Variants in BRI3 observed in about 807,000 individuals in gnomAD.
The protein encoded by BRI3 is membrane protein BRI3.
A neutral mutation model predicts 12.8 loss-of-function variants in BRI3; 6 were observed. The observed-to-expected ratio is 0.47, with a 90% CI of 0.26 to 0.93. BRI3 has a LOEUF of 0.93. BRI3 is among the 40% of genes least tolerant of loss of function. BRI3 has a pLI of 0.15. For missense variants in BRI3, 134 were observed against 171.1 expected (o/e 0.78, Z 1.21); for synonymous variants, 91 against 76.1 (o/e 1.20, Z -1.02).
downstream of BRI3, among the ~76,000 whole-genome samples, chr7:98,313,982 CTTTTTTT>C (rs35599338): frequency 9.9e-6 from 1 of 100,940 alleles, no homozygotes; most frequent in African/African-American, 3.7e-5. Context: ...CTTTTTCTTC[CTTTTTTT>C]TTTTTTTTTT....
chr7:98,298,753 G>A (rs1800295175), intron 1 of BRI3, among the ~76,000 whole-genome samples: 1 of 152,210 alleles, frequency 6.6e-6, no homozygotes. Flanking sequence ...TATTAATCGA[G>A]GTGGACATAA....
chr7:98,305,047 G>GTTTTT (rs59633894), upstream of BRI3, among the ~76,000 whole-genome samples: 95 of 100,336 alleles, frequency 9.5e-4, 2 homozygotes, highest in East Asian at 2.1e-3. Flanking sequence ...TTTGTTTTTT[G>GTTTTT]TTTTTTTTTT....
At chr7:98,316,555 C>T in the BRI3 span, among the ~76,000 whole-genome samples, 2 of 152,306 alleles carry the variant, frequency 1.3e-5, no homozygotes, top group African/African-American at 4.8e-5. Flanking sequence ...ATTTATAGGG[C>T]ACATGTGATA....
At chr7:98,290,184 T>TG (rs1454875589) in intron 2 of BRI3, among the ~76,000 whole-genome samples, 2 of 28,876 alleles carry the variant, frequency 6.9e-5, no homozygotes, top group Admixed American at 4.1e-4. Flanking sequence ...CAAGGTTGTT[T>TG]TTTTTTTTTT....
intron 2 of BRI3, among the ~76,000 whole-genome samples, chr7:98,290,187 T>G (rs865864515): frequency 0.038 from 4,933 of 130,020 alleles, 133 homozygotes; most frequent in Non-Finnish European, 0.054. Context: ...GGTTGTTTTT[T>G]TTTTTTTTTT....
downstream of BRI3, chr7:98,292,402 G>A (rs986609223): frequency 1.7e-5 from 9 of 539,902 alleles, no homozygotes; most frequent in African/African-American, 1.3e-4. Flanking sequence ...AGAGACTCCT[G>A]ACCTCAGGTG....
chr7:98,320,983 A>G, the BRI3 span, among the ~76,000 whole-genome samples: 1 of 152,108 alleles, frequency 6.6e-6, no homozygotes, highest in Non-Finnish European at 1.5e-5. Flanking sequence ...CAGCCTCCCG[A>G]GTAGCTGGGA....
downstream of BRI3, chr7:98,292,664 A>G (rs1584404936): frequency 6.4e-7 from 1 of 1,551,648 alleles, no homozygotes; most frequent in Non-Finnish European, 8.7e-7. Flanking sequence ...CTGGCTTTAC[A>G]CGTATCCTTT....
chr7:98,290,181 G>T (rs6960998), intron 2 of BRI3, among the ~76,000 whole-genome samples: 5,399 of 103,010 alleles, frequency 0.052, 430 homozygotes, highest in African/African-American at 0.12. Context: ...TCTCAAGGTT[G>T]TTTTTTTTTT....
chr7:98,293,072 T>G (rs1800037422), downstream of BRI3: 57 of 664,748 alleles, frequency 8.6e-5, no homozygotes, highest in Non-Finnish European at 9.8e-5. Flanking sequence ...ATTTGCATGC[T>G]AAGATGCAAA....
downstream of BRI3, chr7:98,310,542 G>A (rs200900587): frequency 3.1e-5 from 49 of 1,594,936 alleles, no homozygotes; most frequent in African/African-American, 8.1e-5. Context: ...CTGAAGGAGC[G>A]GGGGGCATCT....
downstream of BRI3, among the ~76,000 whole-genome samples, chr7:98,294,323 G>A (rs1043893939): frequency 2.6e-5 from 4 of 152,128 alleles, no homozygotes; most frequent in Non-Finnish European, 5.9e-5. Context: ...AGACCCGAAG[G>A]TAAAGACATC....
In BRI3 at chr7:98,290,181, G is replaced by GTTTT. The variant is rs1180326213; in HGVS notation, c.246-908_246-905dup. On this transcript the variant is annotated intron_variant, in intron 2 of 2. Coordinates refer to ENST00000297290, the MANE Select transcript of BRI3 (RefSeq NM_015379.5). ...CAAAATGATCATGCCTCTCAAGGTTGTTTTTTTTTTTTTTTTTTTTTTTTT... is the reference window on the plus strand; with the variant it reads ...CAAAATGATCATGCCTCTCAAGGTTGTTTTTTTTTTTTTTTTTTTTTTTTTTTTT... Among the ~76,000 whole-genome samples, 285 of 102,512 alleles carry GTTTT rather than the reference G, an allele frequency of 2.8e-3. 1 individual carries two copies. Among genetic ancestry groups the GTTTT allele is most frequent in the South Asian group, 4.9e-3 (12 of 2,456 alleles). 67.3% of individuals were successfully genotyped at this position (102,512 alleles called of 152,430 possible). A position where few individuals can be genotyped will look rare whatever the true frequency, so the allele number is the denominator to read the frequency against.
At chr7:98,306,453 G>T (rs749260503), upstream of BRI3, 14 of 1,614,116 alleles carry the variant, frequency 8.7e-6, no homozygotes, top group Non-Finnish European at 1.2e-5. Context: ...GCGTGGGCAC[G>T]GTCACTGCTT....
At chr7:98,293,539 C>T (rs12728), downstream of BRI3, 725,283 of 1,609,978 alleles carry the variant, frequency 0.45, 173,285 homozygotes, top group Middle Eastern at 0.53. Context: ...TGATGGGTGC[C>T]GAGCGATCAT....
chr7:98,310,675 TAAATAATAGGCTA>T, downstream of BRI3: 1 of 984,010 alleles, frequency 1.0e-6, no homozygotes, highest in Non-Finnish European at 1.4e-6. Flanking sequence ...TTTTTTTTTT[TAAATAATAGGCTA>T]TTTATTTATT....
the BRI3 span, among the ~76,000 whole-genome samples, chr7:98,321,995 C>T: frequency 1.3e-5 from 2 of 152,116 alleles, no homozygotes; most frequent in Admixed American, 1.3e-4. Flanking sequence ...ACTTGGGAGG[C>T]TGAGGTGGGA....
chr7:98,302,010 A>C (rs1800449681), upstream of BRI3, among the ~76,000 whole-genome samples: 1 of 152,126 alleles, frequency 6.6e-6, no homozygotes, highest in Admixed American at 6.5e-5. Flanking sequence ...GGAAGTGGGA[A>C]GCCGGTAAGA....
downstream of BRI3, among the ~76,000 whole-genome samples, chr7:98,297,930 C>T (rs985424137): frequency 1.3e-5 from 2 of 152,168 alleles, no homozygotes; most frequent in Non-Finnish European, 1.5e-5. Flanking sequence ...GTAGAAAATA[C>T]GTAAATTAAA....
Sources: allele counts gnomAD v4.1 joint callset (sites outside exome capture counted in the v4.1 genomes callset), GRCh38; gene constraint gnomAD v4.1.1; transcripts MANE v1.5; gene names NCBI Gene and HGNC (gene_info 2026-07-23, HGNC 2026-07-21).